The following PDGFC variants were observed in gnomAD, a reference collection of about 807,000 sequenced individuals.
The protein encoded by PDGFC is platelet-derived growth factor C.
A neutral mutation model predicts 35.5 loss-of-function variants in PDGFC; 12 were observed. The ratio of observed to expected loss-of-function variants is 0.34; its 90% confidence interval spans 0.22 to 0.55. The LOEUF is 0.55. PDGFC is among the 20% of genes least tolerant of loss of function. The pLI, the probability that PDGFC is intolerant of heterozygous loss-of-function variation, is 0.91. For missense variants in PDGFC, 322 were observed against 412.4 expected (o/e 0.78, Z 1.90); for synonymous variants, 159 against 148.8 (o/e 1.07, Z -0.50).
At chr4:156,871,357 T>C (rs1241355754) in intron 1 of PDGFC, among the ~76,000 whole-genome samples, 2 of 152,124 alleles carry the variant, frequency 1.3e-5, no homozygotes, top group African/African-American at 4.8e-5. Context: ...CTAGCAATTA[T>C]AAGGACCCAG....
intron 1 of PDGFC, among the ~76,000 whole-genome samples, chr4:156,966,967 T>C (rs1732480973): frequency 6.6e-6 from 1 of 151,910 alleles, no homozygotes; most frequent in Non-Finnish European, 1.5e-5. Flanking sequence ...ATAATGGCAC[T>C]GTACTTGTTC....
At chr4:156,861,971 C>T (rs1391849449) in intron 1 of PDGFC, among the ~76,000 whole-genome samples, 1 of 152,100 alleles carries the variant, frequency 6.6e-6, no homozygotes, top group Non-Finnish European at 1.5e-5. Context: ...TAAGGTGACT[C>T]TTGCTTGCCA....
rs190126867 is a variant in PDGFC at position 156,928,966 on chromosome 4, G to A, written c.118+41820C>T. 1.5e-4 allele frequency among the ~76,000 whole-genome samples: 23 copies of A among 152,086 alleles called. No homozygotes were observed. In the East Asian group the frequency reaches 3.7e-3, roughly 24 times the overall value. On this transcript the variant is annotated intron_variant, in intron 1 of 5. Transcript: ENST00000502773. Reference sequence around the variant, plus strand: ...GCTAAGCAAAATAATAAAACACAACGGTCAAAGAAATGATAAAGAGTATGC... The same window carrying A: ...GCTAAGCAAAATAATAAAACACAACAGTCAAAGAAATGATAAAGAGTATGC...
At chr4:156,816,227 A>G (rs1732081680) in intron 2 of PDGFC, among the ~76,000 whole-genome samples, 1 of 152,212 alleles carries the variant, frequency 6.6e-6, no homozygotes, top group Non-Finnish European at 1.5e-5. Context: ...ACCTGTCAGT[A>G]GTGTGAAAGA....
intron 1 of PDGFC, among the ~76,000 whole-genome samples, chr4:156,881,699 A>G (rs1008732574): frequency 6.6e-6 from 1 of 151,886 alleles, no homozygotes; most frequent in Non-Finnish European, 1.5e-5. Context: ...GCATGCTGGC[A>G]TGTGCCTGTA....
intron 2 of PDGFC, among the ~76,000 whole-genome samples, chr4:156,821,191 G>A (rs915686319): frequency 3.9e-5 from 4 of 103,546 alleles, no homozygotes; most frequent in African/African-American, 1.6e-4. Context: ...GTGTGTGTGT[G>A]TGTATGTGTG....
intron 2 of PDGFC, among the ~76,000 whole-genome samples, chr4:156,843,823 G>C (rs902054348): frequency 6.6e-6 from 1 of 152,018 alleles, no homozygotes; most frequent in African/African-American, 2.4e-5. Flanking sequence ...CTATTTTATT[G>C]TCTTCAGTAG....
chr4:156,845,003 A>C (rs1729291811), intron 2 of PDGFC, among the ~76,000 whole-genome samples: 1 of 151,944 alleles, frequency 6.6e-6, no homozygotes, highest in Non-Finnish European at 1.5e-5. Context: ...TATTTGAAAA[A>C]ACTAAATATC....
At chr4:156,845,497 T>C (rs1036939677) in intron 2 of PDGFC, among the ~76,000 whole-genome samples, 1 of 151,852 alleles carries the variant, frequency 6.6e-6, no homozygotes, top group African/African-American at 2.4e-5. Flanking sequence ...CTAATTCCAA[T>C]TCTGTCGGAG....
chr4:156,783,648 T>A (rs866827646), intron 3 of PDGFC, among the ~76,000 whole-genome samples: 5 of 152,200 alleles, frequency 3.3e-5, no homozygotes, highest in South Asian at 2.1e-4. Flanking sequence ...TGTTCATATG[T>A]CTAGCACTAC....
At chr4:156,837,974 A>AT (rs34610935) in intron 2 of PDGFC, among the ~76,000 whole-genome samples, 8,984 of 147,874 alleles carry the variant, frequency 0.061, 864 homozygotes, top group African/African-American at 0.21. Flanking sequence ...CTTGGGAATG[A>AT]TTTTTTTTTT....
At chr4:156,843,349 C>T (rs1729249650) in intron 2 of PDGFC, among the ~76,000 whole-genome samples, 1 of 152,208 alleles carries the variant, frequency 6.6e-6, no homozygotes, top group Non-Finnish European at 1.5e-5. Context: ...AAATTCTGTG[C>T]TTTATAAGCC....
chr4:156,834,950 G>A (rs555157959), intron 2 of PDGFC, among the ~76,000 whole-genome samples: 1 of 151,902 alleles, frequency 6.6e-6, no homozygotes, highest in East Asian at 1.9e-4. Flanking sequence ...TGAACAGCTT[G>A]ATAGATTTTT....
intron 1 of PDGFC, among the ~76,000 whole-genome samples, chr4:156,873,081 T>A (rs1208482069): frequency 6.6e-6 from 1 of 152,100 alleles, no homozygotes; most frequent in African/African-American, 2.4e-5. Flanking sequence ...CAGTATGCTG[T>A]GACTGCACCA....
chr4:156,808,168 G>A (rs966686608), intron 3 of PDGFC, among the ~76,000 whole-genome samples: 1 of 151,970 alleles, frequency 6.6e-6, no homozygotes, highest in African/African-American at 2.4e-5. Flanking sequence ...ATAATAAATA[G>A]GAAGGTAGTA....
intron 1 of PDGFC, among the ~76,000 whole-genome samples, chr4:156,896,886 T>G (rs1193175585): frequency 6.6e-6 from 1 of 152,176 alleles, no homozygotes. Context: ...CTTTTTGTTT[T>G]AGAAGCAAGT....
At chr4:156,958,648 C>T (rs1178452913) in intron 1 of PDGFC, among the ~76,000 whole-genome samples, 1 of 152,040 alleles carries the variant, frequency 6.6e-6, no homozygotes, top group Non-Finnish European at 1.5e-5. Flanking sequence ...ACTTCAATTT[C>T]CAAGTTTATT....
chr4:156,890,856 T>C (rs1730486736), intron 1 of PDGFC, among the ~76,000 whole-genome samples: 1 of 152,190 alleles, frequency 6.6e-6, no homozygotes, highest in Non-Finnish European at 1.5e-5. Context: ...AAGAGTATTA[T>C]TTCAAAGTTT....
chr4:156,830,406 C>T (rs752119303), intron 2 of PDGFC, among the ~76,000 whole-genome samples: 1 of 152,138 alleles, frequency 6.6e-6, no homozygotes, highest in Non-Finnish European at 1.5e-5. Context: ...TCCCTGCCCC[C>T]ACCATGACCT....
Sources: allele counts gnomAD v4.1 joint callset (sites outside exome capture counted in the v4.1 genomes callset), GRCh38; gene constraint gnomAD v4.1.1; transcripts MANE v1.5; gene names NCBI Gene and HGNC (gene_info 2026-07-23, HGNC 2026-07-21).